The following NSF variants were observed in gnomAD, a reference collection of about 807,000 sequenced individuals.
The protein encoded by NSF is vesicle-fusing ATPase.
In NSF, 14 loss-of-function variants were observed where a neutral mutation model predicts 50.3. The observed-to-expected ratio is 0.28, with a 90% CI of 0.18 to 0.44. The LOEUF (loss-of-function observed/expected upper bound fraction) is 0.44, where lower values mean the gene tolerates loss of function less well. Among genes scored for constraint, NSF ranks in the 20% least tolerant of loss-of-function variants. The pLI is 1.00. For missense variants in NSF, 218 were observed against 504.3 expected (o/e 0.43, Z 5.44); for synonymous variants, 109 against 175.7 (o/e 0.62, Z 3.00).
chr17:46,689,812 T>A (rs2146224933), intron 9 of NSF, among the ~76,000 whole-genome samples: 1 of 150,494 alleles, frequency 6.6e-6, no homozygotes, highest in East Asian at 2.0e-4. Context: ...ACCTAACAAT[T>A]TGCCTTTAGC....
chr17:46,622,385 G>A (rs1395570816), intron 1 of NSF, among the ~76,000 whole-genome samples: 2 of 150,574 alleles, frequency 1.3e-5, no homozygotes, highest in East Asian at 2.0e-4. Flanking sequence ...GTGAACCCGG[G>A]AGGCGGAGCT....
At chr17:46,721,890 C>G in intron 15 of NSF, 1 of 1,587,070 alleles carries the variant, frequency 6.3e-7, no homozygotes, top group Non-Finnish European at 8.7e-7. Context: ...GCGATAAAGA[C>G]GACATGCTTC....
intron 17 of NSF, among the ~76,000 whole-genome samples, chr17:46,729,798 TTA>T (rs1299846657): frequency 6.6e-6 from 1 of 152,190 alleles, no homozygotes; most frequent in Non-Finnish European, 1.5e-5. Flanking sequence ...AATTTAACAG[TTA>T]TATATGTGCG....
chr17:46,655,810 C>T (rs2058257366), intron 8 of NSF, among the ~76,000 whole-genome samples: 1 of 50,694 alleles, frequency 2.0e-5, no homozygotes, highest in Admixed American at 3.0e-4. Context: ...GTAATGGCTC[C>T]AGGTGGGATA....
In NSF at chr17:46,724,284, C is replaced by T. The variant is rs867088366; in HGVS notation, c.1762-2265C>T. On this transcript the variant is annotated intron_variant, in intron 15 of 20. Coordinates refer to ENST00000398238, the MANE Select transcript of NSF (RefSeq NM_006178.4). Reference sequence around the variant, plus strand: ...GAGTTATGCTGCATGAAAGGACAACCCGAAAATCTCAGTGGCTTAACACAA... The same window carrying T: ...GAGTTATGCTGCATGAAAGGACAACTCGAAAATCTCAGTGGCTTAACACAA... Among the ~76,000 whole-genome samples the T allele has an allele frequency of 1.1e-4, 16 of 152,238 alleles. 1 individual carries two copies. The Middle Eastern group carries it at 0.014, about 129-fold the overall frequency.
chr17:46,626,127 T>C (rs2058096911), intron 2 of NSF, among the ~76,000 whole-genome samples: 1 of 137,278 alleles, frequency 7.3e-6, no homozygotes, highest in South Asian at 2.2e-4. Flanking sequence ...TTTTTTATTT[T>C]GTAGGTTGTT....
chr17:46,734,330 G>T (rs931977934), intron 17 of NSF, among the ~76,000 whole-genome samples: 12 of 151,992 alleles, frequency 7.9e-5, no homozygotes, highest in African/African-American at 2.9e-4. Context: ...TAGTCATTTT[G>T]CCAGACACAT....
chr17:46,756,143 A>T lies in NSF; in HGVS notation c.*320A>T, dbSNP rs939395923. On this transcript the variant is annotated 3_prime_UTR_variant, in exon 21 of 21. Transcript: ENST00000398238. The stretch of plus-strand genomic sequence containing the variant: ...GGACACTACACGTTTCAACCTCTCT[A>T]CTAGCACCATCACCCTTGAAAACTC... 4.0e-6 allele frequency: 1 copy of T among 248,238 alleles called. No individual in the cohort carries two copies. Among genetic ancestry groups the T allele is most frequent in the Non-Finnish European group, 7.7e-6 (1 of 129,384 alleles). The allele number at this position is 248,238 out of a possible 1,614,324, so 15.4% of individuals were successfully genotyped here. A position where few individuals can be genotyped will look rare whatever the true frequency, so the allele number is the denominator to read the frequency against.
At chr17:46,708,031 CAA>C (rs35548565) in intron 13 of NSF, among the ~76,000 whole-genome samples, 60 of 85,480 alleles carry the variant, frequency 7.0e-4, no homozygotes, top group Admixed American at 1.4e-3. Context: ...GACCCTGTCT[CAA>C]AAAAAAAAAA....
At chr17:46,621,054 C>T (rs898836698) in intron 1 of NSF, among the ~76,000 whole-genome samples, 1 of 98,712 alleles carries the variant, frequency 1.0e-5, no homozygotes, top group East Asian at 3.6e-4. Flanking sequence ...GCTGAGAATG[C>T]GCCACTGCAT....
intron 15 of NSF, among the ~76,000 whole-genome samples, chr17:46,715,405 C>T (rs1440157739): frequency 6.6e-6 from 1 of 152,160 alleles, no homozygotes; most frequent in Non-Finnish European, 1.5e-5. Flanking sequence ...ATTTAAATAA[C>T]AGCCCTTGAA....
intron 15 of NSF, among the ~76,000 whole-genome samples, chr17:46,720,833 A>T (rs1267736168): frequency 6.6e-6 from 1 of 152,158 alleles, no homozygotes; most frequent in African/African-American, 2.4e-5. Context: ...ACCTAAGGGC[A>T]CTAAGGAGGT....
At chr17:46,731,490 C>A (rs2058948235) in intron 17 of NSF, among the ~76,000 whole-genome samples, 1 of 152,096 alleles carries the variant, frequency 6.6e-6, no homozygotes, top group African/African-American at 2.4e-5. Context: ...ACTGTGTGCT[C>A]TGTGAACCAT....
At chr17:46,694,172 G>A (rs2058572629) in intron 11 of NSF, among the ~76,000 whole-genome samples, 1 of 134,816 alleles carries the variant, frequency 7.4e-6, no homozygotes, top group Non-Finnish European at 1.5e-5. Flanking sequence ...ATCACTTGAG[G>A]CCAGTTGTTC....
chr17:46,673,624 C>T (rs2146203102), intron 8 of NSF, among the ~76,000 whole-genome samples: 1 of 6,730 alleles, frequency 1.5e-4, no homozygotes, highest in Non-Finnish European at 1.1e-3. Flanking sequence ...GTTTTTTATT[C>T]CTCACTCCCC....
In NSF at chr17:46,714,006, AT is replaced by A. The variant is rs1306411125; in HGVS notation, c.1761+24del. 5.6e-6 allele frequency: 9 copies of A among 1,596,018 alleles called. No homozygotes were observed. Among genetic ancestry groups the A allele is most frequent in the Non-Finnish European group, 7.7e-6 (9 of 1,174,654 alleles). On this transcript the variant is annotated intron_variant, in intron 15 of 20. Transcript: ENST00000398238. ...AAGAAGGTATCAAGATTTTACTTTC[AT>A]TTTAATTTCCTATCTCTTAAATGTG... is the stretch of plus-strand genomic sequence containing the variant.
chr17:46,716,383 A>G (rs1016589959), intron 15 of NSF, among the ~76,000 whole-genome samples: 2 of 151,904 alleles, frequency 1.3e-5, no homozygotes, highest in South Asian at 2.1e-4. Context: ...CAGCCTCCCA[A>G]GTAGCTGGGA....
intron 4 of NSF, among the ~76,000 whole-genome samples, chr17:46,635,566 T>C (rs2058176043): frequency 2.1e-5 from 2 of 96,946 alleles, no homozygotes; most frequent in Non-Finnish European, 4.6e-5. Flanking sequence ...ATGAACTTGG[T>C]TGACCCATGA....
intron 4 of NSF, among the ~76,000 whole-genome samples, chr17:46,631,080 A>ACACACACACACACACACACACACACACG (rs2058132537): frequency 9.2e-4 from 133 of 143,832 alleles, no homozygotes; most frequent in African/African-American, 3.5e-3. Context: ...ACACACACAC[A>ACACACACACACACACACACACACACACG]CACACACACA....
Sources: allele counts gnomAD v4.1 joint callset (sites outside exome capture counted in the v4.1 genomes callset), GRCh38; gene constraint gnomAD v4.1.1; transcripts MANE v1.5; gene names NCBI Gene and HGNC (gene_info 2026-07-23, HGNC 2026-07-21).